The following DOCK7 variants were observed in gnomAD, a reference collection of about 807,000 sequenced individuals.
DOCK7 encodes dedicator of cytokinesis 7.
In DOCK7, 138 loss-of-function variants were observed where a neutral mutation model predicts 271.0. The observed-to-expected ratio is 0.51, with a 90% confidence interval of 0.44 to 0.59. The LOEUF (loss-of-function observed/expected upper bound fraction) is 0.59, where lower values mean the gene tolerates loss of function less well. Ranked by LOEUF, DOCK7 falls within the 20% of genes least tolerant of loss-of-function variation. The pLI, the probability that DOCK7 is intolerant of heterozygous loss-of-function variation, is 0.00. For synonymous variants in DOCK7, 823 were observed against 876.1 expected (o/e 0.94, Z 1.07); for missense variants, 2,066 against 2,592.4 (o/e 0.80, Z 4.41).
chr1:62,454,962 T>C lies in DOCK7; in HGVS notation c.*452A>G, dbSNP rs571318416. 2 of 348,222 alleles carry C rather than the reference T, an allele frequency of 5.7e-6. No homozygotes were observed. The highest frequency in any genetic ancestry group is 8.3e-5 in the East Asian group (2 of 24,036). 21.6% of individuals were successfully genotyped at this position (348,222 alleles called of 1,614,324 possible). A position where few individuals can be genotyped will look rare whatever the true frequency, so the allele number is the denominator to read the frequency against. ...AGTTCTTGAGTCAACCCTTTAATTG[T>C]TCTCTGCCATTGTCAATAATAAAAA... is the stretch of plus-strand genomic sequence containing the variant. On this transcript the variant is annotated 3_prime_UTR_variant, in exon 50 of 50. Transcript: ENST00000635253.
At chr1:62,557,992 T>C (rs1646201560) in intron 20 of DOCK7, among the ~76,000 whole-genome samples, 2 of 152,194 alleles carry the variant, frequency 1.3e-5, no homozygotes, top group South Asian at 2.1e-4. Context: ...TAGCCATCTT[T>C]TTCTAGTCAA....
At chr1:62,604,037 G>A in intron 14 of DOCK7, 2 of 1,612,982 alleles carry the variant, frequency 1.2e-6, no homozygotes, top group Non-Finnish European at 1.7e-6. Flanking sequence ...TTTACGAATT[G>A]AGTTGGAAGA....
chr1:62,520,557 C>G (rs1336470548), intron 31 of DOCK7, among the ~76,000 whole-genome samples: 1 of 152,114 alleles, frequency 6.6e-6, no homozygotes, highest in African/African-American at 2.4e-5. Context: ...GATACCATAC[C>G]ATCTCACACC....
At chr1:62,470,653 G>C (rs1269965209) in intron 48 of DOCK7, among the ~76,000 whole-genome samples, 1 of 152,024 alleles carries the variant, frequency 6.6e-6, no homozygotes, top group African/African-American at 2.4e-5. Flanking sequence ...AATTAGCCAG[G>C]CATGGTGGTG....
chr1:62,493,947 A>G (rs1300735550), intron 40 of DOCK7, among the ~76,000 whole-genome samples: 1 of 152,236 alleles, frequency 6.6e-6, no homozygotes, highest in East Asian at 1.9e-4. Flanking sequence ...AAAGCCAATT[A>G]AGAATTTCTA....
At chr1:62,571,167 T>C (rs1646762891) in intron 18 of DOCK7, among the ~76,000 whole-genome samples, 3 of 151,926 alleles carry the variant, frequency 2.0e-5, no homozygotes, top group Non-Finnish European at 4.4e-5. Flanking sequence ...CTGACAAAGG[T>C]GTAATATCCA....
chr1:62,506,479 T>G (rs1029665695), intron 35 of DOCK7, among the ~76,000 whole-genome samples: 11 of 152,016 alleles, frequency 7.2e-5, no homozygotes, highest in South Asian at 2.1e-4. Flanking sequence ...ATCTTTTTTT[T>G]TTTGTTTTTG....
intron 21 of DOCK7, among the ~76,000 whole-genome samples, chr1:62,553,901 G>C (rs1042221856): frequency 1.3e-5 from 2 of 151,884 alleles, no homozygotes; most frequent in African/African-American, 4.8e-5. Flanking sequence ...GGTATAGTTG[G>C]TATTTCGGAC....
In DOCK7 at chr1:62,655,683, T is replaced by C. The variant is rs368206735; in HGVS notation, c.145-1524A>G. Among the ~76,000 whole-genome samples the C allele has an allele frequency of 4.6e-5, 7 of 152,330 alleles. No individual in the cohort carries two copies. The East Asian group carries it at 5.8e-4, about 13-fold the overall frequency. The stretch of plus-strand genomic sequence containing the variant: ...CTCAAGCAATCCGCCTGCTTCGGCC[T>C]CCCGAAGTGCTGGGATTACAGGTGT... On this transcript the variant is annotated intron_variant, in intron 2 of 49. Transcript: ENST00000635253.
chr1:62,537,293 T>C (rs1645375504), intron 28 of DOCK7, among the ~76,000 whole-genome samples: 1 of 152,126 alleles, frequency 6.6e-6, no homozygotes, highest in Non-Finnish European at 1.5e-5. Flanking sequence ...GGTTAAGAAC[T>C]TGGGCTCGGC....
At chr1:62,653,591 A>G in intron 4 of DOCK7, 134 bp downstream of exon 4, 1 of 632,126 alleles carries the variant, frequency 1.6e-6, no homozygotes, top group East Asian at 2.9e-5. Flanking sequence ...TCTATACACA[A>G]AAGTTCTTCT....
intron 31 of DOCK7, among the ~76,000 whole-genome samples, chr1:62,522,104 A>C (rs1644870668): frequency 6.6e-6 from 1 of 152,176 alleles, no homozygotes; most frequent in African/African-American, 2.4e-5. Flanking sequence ...AAAACACTTC[A>C]AGCACAGATG....
In DOCK7 at chr1:62,625,378, T is replaced by C; in HGVS notation, c.1306A>G (p.Arg436Gly). 6.2e-7 allele frequency: 1 copy of C among 1,612,612 alleles called. No homozygotes were observed. The highest frequency in any genetic ancestry group is 8.5e-7 in the Non-Finnish European group (1 of 1,179,330). The part of the protein sequence containing the change: ...TGERKGSWSE[R>G]RNSSIVGRRS... The stretch of plus-strand genomic sequence containing the variant: ...CTGCCAACAATACTAGAATTCCTCC[T>C]CTCTGACCAAGACCCTTTTCGTTCT... The change falls in exon 12 of 50, where the codon AGG (arginine) becomes GGG (glycine). Residue 436 changes from arginine (R) to glycine (G), a missense_variant. By Grantham distance (125) the Arg-to-Gly change is moderately radical (BLOSUM62 -2). This residue lies in a region of DOCK7 where 1,414 missense variants were observed against 1,670.4 expected (regional missense o/e 0.85). Transcript: ENST00000635253.
chr1:62,688,078 C>A, intron 1 of DOCK7, 149 bp downstream of exon 1: 2 of 1,054,292 alleles, frequency 1.9e-6, no homozygotes, highest in Non-Finnish European at 2.4e-6. Flanking sequence ...CCTCAGCCAC[C>A]CCGAACCCCT....
At chr1:62,684,679 T>A (rs932995735) in intron 1 of DOCK7, among the ~76,000 whole-genome samples, 1 of 152,176 alleles carries the variant, frequency 6.6e-6, no homozygotes, top group Non-Finnish European at 1.5e-5. Context: ...TCCTAGACAA[T>A]TTGTCTACAG....
At chr1:62,598,470 T>G (rs1649624167) in intron 14 of DOCK7, among the ~76,000 whole-genome samples, 1 of 152,084 alleles carries the variant, frequency 6.6e-6, no homozygotes, top group Admixed American at 6.6e-5. Flanking sequence ...CTTTTTCTTT[T>G]AATTGAAGTT....
At chr1:62,606,006 T>C (rs1650931376) in intron 14 of DOCK7, 1 of 152,216 alleles carries the variant, frequency 6.6e-6, no homozygotes, top group East Asian at 1.9e-4. Flanking sequence ...CCTTTGTCAA[T>C]ACTTAGCATT....
intron 1 of DOCK7, among the ~76,000 whole-genome samples, chr1:62,678,071 T>A (rs769745476): frequency 3.3e-5 from 5 of 152,126 alleles, no homozygotes; most frequent in Admixed American, 6.5e-5. Flanking sequence ...AAGGTTATAG[T>A]GAGCTATGAT....
At chr1:62,616,461 T>G (rs1652452650) in intron 14 of DOCK7, among the ~76,000 whole-genome samples, 2 of 151,792 alleles carry the variant, frequency 1.3e-5, no homozygotes. Context: ...TTAATAAAAA[T>G]GTAGCAAACA....
Sources: gnomAD v4.1 joint callset for allele counts (sites outside exome capture counted in the v4.1 genomes callset) on GRCh38, gnomAD v4.1.1 for gene constraint, gnomAD v4.1.1 regional missense constraint, MANE v1.5 for transcripts, NCBI Gene and HGNC (gene_info 2026-07-23, HGNC 2026-07-21) for gene names.